Variants in NTN1 observed in about 807,000 individuals in gnomAD.
NTN1 encodes netrin-1.
Under a neutral mutation model 54.2 loss-of-function variants are expected in NTN1, and 11 were observed. The ratio of observed to expected loss-of-function variants is 0.20; its 90% CI spans 0.13 to 0.34. NTN1 has a LOEUF of 0.34. Ranked by LOEUF, NTN1 falls within the 10% of genes least tolerant of loss-of-function variation. NTN1 has a pLI of 1.00. For missense variants in NTN1, 740 were observed against 893.1 expected (o/e 0.83, Z 2.18); for synonymous variants, 371 against 382.0 (o/e 0.97, Z 0.33).
At chr17:9,139,677 T>C (rs2092291746) in intron 2 of NTN1, among the ~76,000 whole-genome samples, 1 of 152,232 alleles carries the variant, frequency 6.6e-6, no homozygotes, top group Non-Finnish European at 1.5e-5. Context: ...CCTCAGGGAC[T>C]AACCATAACT....
At position 9,124,364 on chromosome 17, in the gene NTN1, G is replaced by A. The variant is rs143835072; in HGVS notation, c.1019-38449G>A. Among the ~76,000 whole-genome samples, 30 of 152,320 alleles carry A rather than the reference G, an allele frequency of 2.0e-4. No homozygotes were observed. In the East Asian group the frequency reaches 5.2e-3, roughly 26 times the overall value. ...TGACAGTCGGTTGGACAGACATGTCGTGGTGTGCCCTCCTCCCTCCGGCTT... is the reference window on the plus strand; with the variant it reads ...TGACAGTCGGTTGGACAGACATGTCATGGTGTGCCCTCCTCCCTCCGGCTT... On this transcript the variant is annotated intron_variant, in intron 2 of 6. Transcript: ENST00000173229.
intron 2 of NTN1, among the ~76,000 whole-genome samples, chr17:9,142,133 A>C (rs527432293): frequency 4.6e-5 from 7 of 151,960 alleles, no homozygotes; most frequent in Admixed American, 4.6e-4. Context: ...TCTCAAAAAA[A>C]GTAAAATTAG....
intron 2 of NTN1, among the ~76,000 whole-genome samples, chr17:9,092,448 T>C (rs1437719631): frequency 1.3e-5 from 2 of 148,216 alleles, no homozygotes; most frequent in East Asian, 4.2e-4. Flanking sequence ...CCACCATGCC[T>C]GGGTAATTTT....
chr17:9,076,796 C>T (rs2092051723), intron 2 of NTN1, among the ~76,000 whole-genome samples: 1 of 152,142 alleles, frequency 6.6e-6, no homozygotes, highest in South Asian at 2.1e-4. Context: ...AGTGACTTTC[C>T]AGGGTATTTT....
At chr17:9,027,272 T>G (rs1597462362) in intron 2 of NTN1, among the ~76,000 whole-genome samples, 1 of 152,242 alleles carries the variant, frequency 6.6e-6, no homozygotes, top group African/African-American at 2.4e-5. Context: ...TTATGATGAT[T>G]AACCCTGGAG....
At chr17:9,215,250 T>TACACACACACAC (rs58245153) in intron 5 of NTN1, among the ~76,000 whole-genome samples, 93 of 138,314 alleles carry the variant, frequency 6.7e-4, no homozygotes, top group African/African-American at 1.8e-3. Context: ...GCTAGATAGA[T>TACACACACACAC]ACACACACAC....
Position 9,239,969 on chromosome 17 carries a change from C to A in NTN1, c.*1C>A. On this transcript the variant is annotated 3_prime_UTR_variant, in exon 7 of 7. Transcript: ENST00000173229. The surrounding 1 kb of genome is among the most constrained non-coding windows in gnomAD (Gnocchi z 5.2). ...GAAGGGCAAGTGCAAGAAGGCCTAGCGCCGAGGCAGCGGGCGGGCGGGCGG... is the reference window on the plus strand; with the variant it reads ...GAAGGGCAAGTGCAAGAAGGCCTAGAGCCGAGGCAGCGGGCGGGCGGGCGG... 8 of 405,516 alleles carry A rather than the reference C, an allele frequency of 2.0e-5. No individual in the cohort carries two copies. Among genetic ancestry groups the A allele is most frequent in the Non-Finnish European group, 2.9e-5 (8 of 279,220 alleles). 25.1% of individuals were successfully genotyped at this position (405,516 alleles called of 1,614,324 possible).
At chr17:9,069,082 C>T (rs964277297) in intron 2 of NTN1, among the ~76,000 whole-genome samples, 8 of 152,144 alleles carry the variant, frequency 5.3e-5, no homozygotes, top group Admixed American at 5.2e-4. Context: ...CAAATAGCCT[C>T]TTGCCTCCTA....
At chr17:9,032,544 G>A (rs765848613) in intron 2 of NTN1, among the ~76,000 whole-genome samples, 4 of 152,322 alleles carry the variant, frequency 2.6e-5, no homozygotes, top group East Asian at 3.9e-4. Flanking sequence ...ACTCATCTCC[G>A]TCACAAACCA....
intron 2 of NTN1, among the ~76,000 whole-genome samples, chr17:9,064,357 A>G (rs1216603006): frequency 2.6e-5 from 4 of 152,202 alleles, no homozygotes; most frequent in South Asian, 4.1e-4. Context: ...ATGGCTTTCC[A>G]TAAAGTGATG....
rs200209816 is a variant in NTN1 at position 9,221,163 on chromosome 17, T to G, written c.1412-5T>G. On this transcript the variant is annotated splice_polypyrimidine_tract_variant and splice_region_variant and intron_variant, in intron 5 of 6. Coordinates refer to ENST00000173229, the MANE Select transcript of NTN1 (RefSeq NM_004822.3). This position sits in a 1 kb window ranked among gnomAD's most constrained non-coding sequence, Gnocchi z 4.5. ...TGTCTGTGCTCCCCCCCCACCCCCCTGCAGACTGCGATTCCTACTGCAAGG... is the reference window on the plus strand; with the variant it reads ...TGTCTGTGCTCCCCCCCCACCCCCCGGCAGACTGCGATTCCTACTGCAAGG... 3.6e-5 allele frequency: 25 copies of G among 689,216 alleles called. No individual in the cohort carries two copies. Among genetic ancestry groups the G allele is most frequent in the Non-Finnish European group, 4.7e-5 (22 of 464,338 alleles). 42.7% of individuals were successfully genotyped at this position (689,216 alleles called of 1,614,324 possible).
At chr17:9,031,478 A>G (rs1168479389) in intron 2 of NTN1, among the ~76,000 whole-genome samples, 4 of 152,188 alleles carry the variant, frequency 2.6e-5, no homozygotes, top group African/African-American at 7.2e-5. Context: ...AGACTCCTCA[A>G]TATAACTCCT....
chr17:9,054,503 T>A (rs184512990), intron 2 of NTN1, among the ~76,000 whole-genome samples: 116 of 152,336 alleles, frequency 7.6e-4, no homozygotes, highest in African/African-American at 2.7e-3. Context: ...GGGATATTCA[T>A]CTTGCCTTGT....
rs1906190329 is a variant in NTN1, at chr17:9,240,871, A to C, written c.*903A>C. 6.6e-6 allele frequency: 1 copy of C among 152,304 alleles called. No homozygotes were observed. Among genetic ancestry groups the C allele is most frequent in the South Asian group, 2.1e-4 (1 of 4,832 alleles). The allele number at this position is 152,304 out of a possible 1,614,324, so 9.4% of individuals were successfully genotyped here. ...CTGTTGGAGGAGGCATCGCAAACGCAAAACCTCCCAGAGAGTTTCCTTTTG... is the reference window on the plus strand; with the variant it reads ...CTGTTGGAGGAGGCATCGCAAACGCCAAACCTCCCAGAGAGTTTCCTTTTG... On this transcript the variant is annotated 3_prime_UTR_variant, in exon 7 of 7. Transcript: ENST00000173229.
At chr17:9,220,418 G>A (rs575318449) in intron 5 of NTN1, among the ~76,000 whole-genome samples, 2 of 152,206 alleles carry the variant, frequency 1.3e-5, no homozygotes, top group African/African-American at 4.8e-5. Flanking sequence ...AAAGAACAGC[G>A]ATGGCTGGCA....
intron 2 of NTN1, among the ~76,000 whole-genome samples, chr17:9,086,126 T>G (rs992392885): frequency 1.3e-5 from 2 of 152,160 alleles, no homozygotes; most frequent in Non-Finnish European, 2.9e-5. Flanking sequence ...CCTCCATTCT[T>G]TTTATGAGGG....
chr17:9,031,014 C>T (rs1221718385), intron 2 of NTN1, among the ~76,000 whole-genome samples: 1 of 152,146 alleles, frequency 6.6e-6, no homozygotes, highest in Non-Finnish European at 1.5e-5. Flanking sequence ...TCTGTGCCCC[C>T]TCCTGGCTGG....
chr17:9,016,154 A>G, the NTN1 span, among the ~76,000 whole-genome samples: 1 of 151,984 alleles, frequency 6.6e-6, no homozygotes, highest in Non-Finnish European at 1.5e-5. Context: ...CCCACCTTCT[A>G]CATCTCATCC....
At chr17:9,224,904 C>T (rs533363679) in intron 6 of NTN1, among the ~76,000 whole-genome samples, 2 of 152,254 alleles carry the variant, frequency 1.3e-5, no homozygotes, top group African/African-American at 4.8e-5. Flanking sequence ...GCCTGTGACT[C>T]CACAGCCAGG....
Sources: gnomAD v4.1 joint callset for allele counts (sites outside exome capture counted in the v4.1 genomes callset) on GRCh38, gnomAD v4.1.1 for gene constraint, Gnocchi (gnomAD v3.1) non-coding constraint, MANE v1.5 for transcripts, NCBI Gene and HGNC (gene_info 2026-07-23, HGNC 2026-07-21) for gene names.